The following PTPRT variants were observed in gnomAD, a reference collection of about 807,000 sequenced individuals.
The protein encoded by PTPRT is protein tyrosine phosphatase receptor type T.
In PTPRT, 56 loss-of-function variants were observed where a neutral mutation model predicts 176.8. The ratio of observed to expected loss-of-function variants is 0.32; its 90% CI spans 0.26 to 0.40. The LOEUF (loss-of-function observed/expected upper bound fraction) is 0.40, where lower values mean the gene tolerates loss of function less well. PTPRT is among the 10% of genes least tolerant of loss of function. The probability of loss-of-function intolerance (pLI) is 1.00; values close to 1 mark genes in which losing one functional copy is unlikely to be tolerated. For missense variants in PTPRT, 1,540 were observed against 1,908.2 expected, an observed-to-expected ratio of 0.81 and a Z score of 3.60; for synonymous variants, 783 against 739.0, an observed-to-expected ratio of 1.06 and a Z score of -0.96.
At chr20:43,148,944 T>G (rs1273726639) in intron 1 of PTPRT, among the ~76,000 whole-genome samples, 1 of 152,198 alleles carries the variant, frequency 6.6e-6, no homozygotes, top group Non-Finnish European at 1.5e-5. Flanking sequence ...GAGATGTTGT[T>G]TTTTAAAATG....
Position 42,199,264 on chromosome 20 carries a change from T to A in PTPRT, c.2467A>T (p.Ser823Cys). Residue 823 changes from serine (S) to cysteine (C), a missense_variant, in exon 16 of 31, where the codon AGT becomes TGT. Ser to Cys is a moderately radical substitution (Grantham distance 112, BLOSUM62 -1). Around this residue, in one of 11 missense-constraint regions of PTPRT, gnomAD observed 255 missense variants for 250.1 expected, o/e 1.02. Coordinates refer to ENST00000373187, the MANE Select transcript of PTPRT (RefSeq NM_007050.6). ...ASRNDEGFSS[S>C]SQDVNGFTDG... ...CTGAATCCGTTGACGTCCTGAGAAC[T>A]AGAAGAGAAGCCTTCATCATTGCGG... 15 of 1,614,162 alleles carry A rather than the reference T, an allele frequency of 9.3e-6. No homozygotes were observed. Among genetic ancestry groups the A allele is most frequent in the Non-Finnish European group, 1.3e-5 (15 of 1,180,022 alleles).
chr20:42,439,373 G>GTT (rs2059291805), intron 9 of PTPRT, among the ~76,000 whole-genome samples: 1 of 152,216 alleles, frequency 6.6e-6, no homozygotes, highest in Non-Finnish European at 1.5e-5. Flanking sequence ...TGGCATCAGA[G>GTT]TTGCAAGATG....
chr20:42,833,669 C>T (rs992362289), intron 2 of PTPRT, among the ~76,000 whole-genome samples: 6 of 152,080 alleles, frequency 3.9e-5, no homozygotes, highest in Admixed American at 6.6e-5. Flanking sequence ...TGGCACTGGA[C>T]TTCTCAATAT....
chr20:42,294,885 A>G (rs1217729413), intron 12 of PTPRT, among the ~76,000 whole-genome samples: 1 of 152,134 alleles, frequency 6.6e-6, no homozygotes, highest in East Asian at 1.9e-4. Flanking sequence ...AAAAACAGCA[A>G]TTTAATAAGG....
intron 7 of PTPRT, among the ~76,000 whole-genome samples, chr20:42,595,420 T>C (rs1290763062): frequency 6.6e-6 from 1 of 151,946 alleles, no homozygotes; most frequent in African/African-American, 2.4e-5. Flanking sequence ...CAAGCAGAAA[T>C]GGGTCCAGAT....
intron 9 of PTPRT, among the ~76,000 whole-genome samples, chr20:42,418,644 A>C (rs1167682938): frequency 6.6e-6 from 1 of 152,184 alleles, no homozygotes; most frequent in Non-Finnish European, 1.5e-5. Context: ...CAGAACAGAG[A>C]GACGCAAATT....
rs767318796 is a variant in PTPRT, at chr20:43,027,495, CAG to C, written c.89-141565_89-141564del. Among the ~76,000 whole-genome samples the C allele has an allele frequency of 1.8e-3, 266 of 146,664 alleles. 2 individuals are homozygous for C. The highest frequency in any genetic ancestry group is 0.011 in the South Asian group (49 of 4,544). Reference sequence around the variant, plus strand: ...CACCTCAAAAAAAAAAAAAATTAGACAGGGTGGGCTTTAATTCAATCTGACTG... The same window carrying C: ...CACCTCAAAAAAAAAAAAAATTAGACGGTGGGCTTTAATTCAATCTGACTG... On this transcript the variant is annotated intron_variant, in intron 1 of 30. Transcript: ENST00000373187.
intron 9 of PTPRT, among the ~76,000 whole-genome samples, chr20:42,405,517 G>T (rs1302621095): frequency 3.3e-5 from 5 of 152,144 alleles, no homozygotes; most frequent in Non-Finnish European, 5.9e-5. Context: ...ACAAAGGACA[G>T]GAACTCATCA....
At position 42,272,089 on chromosome 20, in the gene PTPRT, T is replaced by C. The variant is rs563468739; in HGVS notation, c.2176+10400A>G. Among the ~76,000 whole-genome samples the C allele has an allele frequency of 5.9e-5, 9 of 152,304 alleles. No individual in the cohort carries two copies. The East Asian group carries it at 1.2e-3, about 20-fold the overall frequency. ...CCAAATCTGGCCCCCCACTCCCTGT[T>C]TTCTGTGCAGCCATGAGCTATAAAT... On this transcript the variant is annotated intron_variant, in intron 13 of 30. Coordinates refer to ENST00000373187, the MANE Select transcript of PTPRT (RefSeq NM_007050.6).
the PTPRT span, among the ~76,000 whole-genome samples, chr20:42,043,421 C>T: frequency 2.6e-4 from 39 of 152,296 alleles, no homozygotes; most frequent in African/African-American, 7.7e-4. Context: ...ATGTGAGACA[C>T]GCAATCATTT....
At chr20:42,908,260 G>GATA (rs761972968) in intron 1 of PTPRT, among the ~76,000 whole-genome samples, 1 of 152,054 alleles carries the variant, frequency 6.6e-6, no homozygotes, top group African/African-American at 2.4e-5. Context: ...CATCTAAGAA[G>GATA]ATAATAATAA....
chr20:42,831,012 C>A (rs1379731614), intron 2 of PTPRT, among the ~76,000 whole-genome samples: 3 of 152,138 alleles, frequency 2.0e-5, no homozygotes, highest in Non-Finnish European at 4.4e-5. Flanking sequence ...ATGTTCTTCA[C>A]AGAACTAGAA....
At chr20:42,468,619 G>C (rs2071139810) in intron 8 of PTPRT, among the ~76,000 whole-genome samples, 1 of 152,052 alleles carries the variant, frequency 6.6e-6, no homozygotes, top group Non-Finnish European at 1.5e-5. Context: ...TTTGATAAAG[G>C]CTTTTTTTTC....
intron 1 of PTPRT, among the ~76,000 whole-genome samples, chr20:43,179,346 G>C (rs932513751): frequency 6.6e-6 from 1 of 152,084 alleles, no homozygotes; most frequent in African/African-American, 2.4e-5. Flanking sequence ...TAGTTTTATG[G>C]AGCCCATTTT....
At chr20:42,412,127 T>A (rs921280280) in intron 9 of PTPRT, among the ~76,000 whole-genome samples, 7 of 152,304 alleles carry the variant, frequency 4.6e-5, no homozygotes, top group Non-Finnish European at 8.8e-5. Flanking sequence ...AAAAGAGATG[T>A]CACAGACAGG....
intron 1 of PTPRT, among the ~76,000 whole-genome samples, chr20:43,100,263 G>T (rs555173962): frequency 3.8e-4 from 58 of 152,166 alleles, no homozygotes; most frequent in African/African-American, 1.3e-3. Context: ...TGTAATCCCC[G>T]CTACTCTGGA....
chr20:42,380,669 C>T (rs759459307), intron 9 of PTPRT, among the ~76,000 whole-genome samples: 31 of 152,160 alleles, frequency 2.0e-4, no homozygotes, highest in Non-Finnish European at 3.5e-4. Flanking sequence ...CTTTGCATTG[C>T]ACTTATCATG....
intron 7 of PTPRT, among the ~76,000 whole-genome samples, chr20:42,540,642 A>T (rs2072562870): frequency 6.6e-6 from 1 of 152,118 alleles, no homozygotes; most frequent in South Asian, 2.1e-4. Flanking sequence ...ATAATTGGCA[A>T]AGTGTTGGGG....
At chr20:42,880,615 G>A (rs1333838919) in intron 2 of PTPRT, among the ~76,000 whole-genome samples, 9 of 152,114 alleles carry the variant, frequency 5.9e-5, no homozygotes, top group Middle Eastern at 3.2e-3. Flanking sequence ...GATGACTTGT[G>A]GAAACCCATG....
Sources: allele counts gnomAD v4.1 joint callset (sites outside exome capture counted in the v4.1 genomes callset), GRCh38; gene constraint gnomAD v4.1.1; regional missense constraint gnomAD v4.1.1; transcripts MANE v1.5; gene names NCBI Gene and HGNC (gene_info 2026-07-23, HGNC 2026-07-21).